GRID1: variants seen among roughly 807,000 people sequenced by gnomAD.
GRID1 encodes the protein glutamate ionotropic receptor delta type subunit 1.
Under a neutral mutation model 98.0 loss-of-function variants are expected in GRID1, and 28 were observed. That is an observed-to-expected ratio of 0.29 (90% CI 0.21 to 0.39). The LOEUF (loss-of-function observed/expected upper bound fraction) is 0.39, where lower values mean the gene tolerates loss of function less well. Ranked by LOEUF, GRID1 falls within the 10% of genes least tolerant of loss-of-function variation. The pLI is 1.00. For synonymous variants in GRID1, 553 were observed against 538.5 expected (o/e 1.03, Z -0.37); for missense variants, 1,111 against 1,340.5 (o/e 0.83, Z 2.67).
chr10:85,915,365 C>T (rs1841600007), intron 5 of GRID1, among the ~76,000 whole-genome samples: 3 of 152,032 alleles, frequency 2.0e-5, no homozygotes, highest in Non-Finnish European at 4.4e-5. Flanking sequence ...CTCATACATA[C>T]ATACACACTC....
At chr10:85,794,147 GT>G (rs1225417898) in intron 8 of GRID1, among the ~76,000 whole-genome samples, 8 of 152,118 alleles carry the variant, frequency 5.3e-5, no homozygotes, top group Non-Finnish European at 1.2e-4. Context: ...TCAATGGATT[GT>G]TTTTACCCAA....
At chr10:86,259,741 G>A (rs958313992) in intron 2 of GRID1, among the ~76,000 whole-genome samples, 4 of 152,206 alleles carry the variant, frequency 2.6e-5, no homozygotes, top group Admixed American at 1.3e-4. Context: ...ACAGCAGAAG[G>A]CAAAGGGAAG....
rs1405948467 is a variant in GRID1, at chr10:86,138,877, G to T, written c.668C>A (p.Thr223Lys). The T allele has an allele frequency of 6.2e-7, 1 of 1,614,098 alleles. No individual in the cohort carries two copies. The highest frequency in any genetic ancestry group is 1.7e-5 in the Admixed American group (1 of 60,010). The change falls in exon 4 of 16, where the codon ACG becomes AAG. Residue 223 changes from threonine (T) to lysine (K), a missense_variant. Thr to Lys is a moderately conservative substitution (Grantham distance 78). This residue lies in a region of GRID1 where 346 missense variants were observed against 452.3 expected (regional missense o/e 0.76). Coordinates refer to ENST00000327946, the MANE Select transcript of GRID1 (RefSeq NM_017551.3). ...KTEELNRYRD[T>K]LRRAILLLSP... The stretch of plus-strand genomic sequence containing the variant: ...GAGCAGCAGGATGGCGCGGCGAAGC[G>T]TGTCCCGGTAGCGATTCAGCTCCTC...
At chr10:86,177,505 T>G (rs985604544) in intron 3 of GRID1, among the ~76,000 whole-genome samples, 1 of 151,758 alleles carries the variant, frequency 6.6e-6, no homozygotes, top group African/African-American at 2.4e-5. Flanking sequence ...CATGTGTGCA[T>G]GAGAGAGACA....
At chr10:85,963,912 T>C (rs981947753) in intron 4 of GRID1, among the ~76,000 whole-genome samples, 1 of 152,206 alleles carries the variant, frequency 6.6e-6, no homozygotes, top group Non-Finnish European at 1.5e-5. Flanking sequence ...AGAGGATTTA[T>C]ACATGGCAGA....
chr10:85,764,293 G>A (rs1028020107), intron 8 of GRID1, among the ~76,000 whole-genome samples: 4 of 152,166 alleles, frequency 2.6e-5, no homozygotes, highest in South Asian at 4.1e-4. Context: ...GAATCCCCCC[G>A]AGGAGTGGAA....
At chr10:86,182,029 T>C (rs1845663010) in intron 3 of GRID1, among the ~76,000 whole-genome samples, 1 of 152,184 alleles carries the variant, frequency 6.6e-6, no homozygotes, top group Admixed American at 6.5e-5. Context: ...AAAAGTGAAG[T>C]GGGCTTCTTT....
intron 4 of GRID1, among the ~76,000 whole-genome samples, chr10:85,956,114 T>C (rs1291919212): frequency 2.0e-5 from 3 of 152,226 alleles, no homozygotes; most frequent in Non-Finnish European, 4.4e-5. Context: ...CTGGGCAGCC[T>C]CTTTCTTTCA....
chr10:85,719,684 G>A (rs924940510), intron 12 of GRID1, among the ~76,000 whole-genome samples: 9 of 152,050 alleles, frequency 5.9e-5, no homozygotes, highest in African/African-American at 2.2e-4. Flanking sequence ...GGAATTCTGG[G>A]AAATATAATT....
chr10:85,971,161 C>G (rs1176818654), intron 4 of GRID1, among the ~76,000 whole-genome samples: 1 of 151,696 alleles, frequency 6.6e-6, no homozygotes, highest in African/African-American at 2.4e-5. Flanking sequence ...TAGATGGTTC[C>G]CCAGTGACAA....
rs111504443 is a variant in GRID1 at position 85,672,245 on chromosome 10, G to A, written c.1998-24848C>T. On this transcript the variant is annotated intron_variant, in intron 12 of 15. Transcript: ENST00000327946. ...CTAGTGCAGCTCATGACTTTATGTT[G>A]AAACTAATGCTCAGCAACCATTCTG... 2.0e-4 allele frequency among the ~76,000 whole-genome samples: 30 copies of A among 152,198 alleles called. 1 individual carries two copies. Among genetic ancestry groups the A allele is most frequent in the South Asian group, 1.2e-3 (6 of 4,826 alleles).
At chr10:85,831,615 T>C (rs950419067) in intron 8 of GRID1, among the ~76,000 whole-genome samples, 14 of 151,980 alleles carry the variant, frequency 9.2e-5, no homozygotes, top group Admixed American at 6.6e-4. Flanking sequence ...AATTTGCTGA[T>C]CACAGTGAAA....
At position 86,071,262 on chromosome 10, in the gene GRID1, G is replaced by A. The variant is rs113778010; in HGVS notation, c.726+67557C>T. Among the ~76,000 whole-genome samples the A allele has an allele frequency of 7.6e-3, 1,156 of 152,266 alleles. 18 individuals carry two copies. Among genetic ancestry groups the A allele is most frequent in the African/African-American group, 0.026 (1,089 of 41,532 alleles). On this transcript the variant is annotated intron_variant, in intron 4 of 15. Transcript: ENST00000327946. ...GCAGGGAAATGGGCTCACTGTCCTG[G>A]GAAGATAGAGCAGACCTGCTGCCAC...
intron 6 of GRID1, among the ~76,000 whole-genome samples, chr10:85,859,534 G>C (rs1038064881): frequency 6.6e-6 from 1 of 152,180 alleles, no homozygotes; most frequent in African/African-American, 2.4e-5. Flanking sequence ...GCAGATAAAA[G>C]AGATTTTATC....
intron 4 of GRID1, among the ~76,000 whole-genome samples, chr10:85,967,527 C>T (rs1380221060): frequency 6.6e-6 from 1 of 152,078 alleles, no homozygotes; most frequent in Non-Finnish European, 1.5e-5. Flanking sequence ...GAAATTAGTA[C>T]CCAAAGACTT....
At chr10:86,038,761 C>A (rs1843305223) in intron 4 of GRID1, among the ~76,000 whole-genome samples, 2 of 152,206 alleles carry the variant, frequency 1.3e-5, no homozygotes, top group African/African-American at 2.4e-5. Flanking sequence ...TTTAACGTAA[C>A]TTTGTGCATG....
chr10:85,639,481 T>C (rs1843088971), intron 13 of GRID1, among the ~76,000 whole-genome samples: 1 of 152,250 alleles, frequency 6.6e-6, no homozygotes, highest in African/African-American at 2.4e-5. Flanking sequence ...TATCTTGTTT[T>C]GGGTGATTAT....
chr10:86,262,707 A>T (rs1343499598), intron 2 of GRID1, among the ~76,000 whole-genome samples: 2 of 152,220 alleles, frequency 1.3e-5, no homozygotes, highest in East Asian at 3.8e-4. Context: ...CTGGCCAACG[A>T]CACGCAAACC....
chr10:85,960,301 A>C (rs1485880457), intron 4 of GRID1, among the ~76,000 whole-genome samples: 3 of 152,222 alleles, frequency 2.0e-5, no homozygotes, highest in African/African-American at 7.2e-5. Context: ...ATAGTTGCAC[A>C]ATCTTCCATT....
Sources: gnomAD v4.1 joint callset for allele counts (sites outside exome capture counted in the v4.1 genomes callset) on GRCh38, gnomAD v4.1.1 for gene constraint, gnomAD v4.1.1 regional missense constraint, MANE v1.5 for transcripts, NCBI Gene and HGNC (gene_info 2026-07-23, HGNC 2026-07-21) for gene names.